STIMATE: variants seen among roughly 807,000 people sequenced by gnomAD.
STIMATE encodes store-operated calcium entry regulator STIMATE.
In STIMATE, 15 loss-of-function variants were observed where a neutral mutation model predicts 36.7. The observed-to-expected ratio is 0.41, with a 90% CI of 0.27 to 0.63. The LOEUF (loss-of-function observed/expected upper bound fraction) is 0.63, where lower values mean the gene tolerates loss of function less well. Ranked by LOEUF, STIMATE falls within the 20% of genes least tolerant of loss-of-function variation. The pLI is 0.32. For missense variants in STIMATE, 305 were observed against 397.3 expected, an observed-to-expected ratio of 0.77 and a Z score of 1.98; for synonymous variants, 163 against 162.3, an observed-to-expected ratio of 1.00 and a Z score of -0.03.
intron 1 of STIMATE, chr3:52,895,893 C>T (rs1204690626): frequency 7.8e-7 from 1 of 1,289,754 alleles, no homozygotes; most frequent in Non-Finnish European, 1.0e-6. Flanking sequence ...CTTGAAAACA[C>T]ACACGTACAG....
chr3:52,851,270 C>T (rs1234693548), intron 3 of STIMATE, among the ~76,000 whole-genome samples: 2 of 152,260 alleles, frequency 1.3e-5, no homozygotes, highest in African/African-American at 4.8e-5. Context: ...CCATGGTAGA[C>T]AGAGTGGGAG....
At position 52,865,091 on chromosome 3, in the gene STIMATE, C is replaced by G. The variant is rs186491911; in HGVS notation, c.161-9647G>C. ...CCTCCTGAGTAGCTGGGACTACAGGCGCCTGCCACCATGCCCAGCTAATTT... is the reference window on the plus strand; with the variant it reads ...CCTCCTGAGTAGCTGGGACTACAGGGGCCTGCCACCATGCCCAGCTAATTT... On this transcript the variant is annotated intron_variant, in intron 1 of 7. Coordinates refer to ENST00000355083, the MANE Select transcript of STIMATE (RefSeq NM_198563.5). 1.2e-3 allele frequency among the ~76,000 whole-genome samples: 185 copies of G among 152,164 alleles called. 1 individual carries two copies. Among genetic ancestry groups the G allele is most frequent in the Admixed American group, 2.2e-3 (34 of 15,276 alleles).
At chr3:52,847,215 G>GT in intron 4 of STIMATE, 3 of 1,130,244 alleles carry the variant, frequency 2.7e-6, no homozygotes, top group South Asian at 4.0e-5. Flanking sequence ...CCTGGACCTT[G>GT]TGTGTCTTGC....
chr3:52,844,042 G>A (rs1167330952), intron 5 of STIMATE, among the ~76,000 whole-genome samples: 1 of 152,228 alleles, frequency 6.6e-6, no homozygotes, highest in Non-Finnish European at 1.5e-5. Context: ...GCAAAGTGCA[G>A]TGGGCTTACA....
At chr3:52,876,054 TGAG>T (rs1187939815) in intron 1 of STIMATE, among the ~76,000 whole-genome samples, 1 of 152,226 alleles carries the variant, frequency 6.6e-6, no homozygotes, top group Non-Finnish European at 1.5e-5. Flanking sequence ...TGAGTTCCCA[TGAG>T]GAGATCTGAG....
intron 1 of STIMATE, among the ~76,000 whole-genome samples, chr3:52,870,119 A>T (rs1701377758): frequency 2.0e-5 from 3 of 152,150 alleles, no homozygotes; most frequent in Admixed American, 2.0e-4. Flanking sequence ...CTGGGATTAC[A>T]TCATGCCCGG....
chr3:52,896,285 A>G (rs1353553870), intron 1 of STIMATE, among the ~76,000 whole-genome samples: 3 of 152,214 alleles, frequency 2.0e-5, no homozygotes, highest in African/African-American at 7.2e-5. Flanking sequence ...TGTCCACACA[A>G]GCACAGTGGG....
At chr3:52,893,148 T>A (rs1701808364) in intron 1 of STIMATE, among the ~76,000 whole-genome samples, 1 of 152,128 alleles carries the variant, frequency 6.6e-6, no homozygotes, top group Non-Finnish European at 1.5e-5. Flanking sequence ...CTTGATTGGA[T>A]CTTAGCTTTT....
At chr3:52,889,037 A>C (rs1026985777) in intron 1 of STIMATE, among the ~76,000 whole-genome samples, 1 of 152,098 alleles carries the variant, frequency 6.6e-6, no homozygotes. Flanking sequence ...AAATGGCTTG[A>C]GTGGAACCTG....
chr3:52,840,226 A>C lies in STIMATE; in HGVS notation c.*268T>G. ...ACACTGTCTGGGACGACAACAAACA[A>C]ACACAGCTCCTTCCTTGCATATTTG... On this transcript the variant is annotated 3_prime_UTR_variant, in exon 8 of 8. Coordinates refer to ENST00000355083, the MANE Select transcript of STIMATE (RefSeq NM_198563.5). The C allele has an allele frequency of 3.5e-6, 1 of 283,778 alleles. No homozygotes were observed. Among genetic ancestry groups the C allele is most frequent in the South Asian group, 7.5e-5 (1 of 13,358 alleles). The allele number at this position is 283,778 out of a possible 1,614,324, so 17.6% of individuals were successfully genotyped here. A position where few individuals can be genotyped will look rare whatever the true frequency, so the allele number is the denominator to read the frequency against.
chr3:52,856,003 T>C (rs1028298599), intron 1 of STIMATE, among the ~76,000 whole-genome samples: 19 of 152,178 alleles, frequency 1.2e-4, no homozygotes, highest in African/African-American at 4.3e-4. Flanking sequence ...ACCGAAGTGT[T>C]TGTGTATCTT....
At chr3:52,883,817 T>C (rs1701648886) in intron 1 of STIMATE, among the ~76,000 whole-genome samples, 1 of 152,222 alleles carries the variant, frequency 6.6e-6, no homozygotes, top group Non-Finnish European at 1.5e-5. Flanking sequence ...TATTTTTCTT[T>C]AAAACTTTAG....
chr3:52,842,722 G>T, intron 7 of STIMATE, 89 bp downstream of exon 7: 2 of 1,582,842 alleles, frequency 1.3e-6, no homozygotes, highest in Admixed American at 1.7e-5. Context: ...CTGCACTCAA[G>T]GGAAGAACAT....
At chr3:52,890,637 A>G (rs1457778078) in intron 1 of STIMATE, among the ~76,000 whole-genome samples, 1 of 152,260 alleles carries the variant, frequency 6.6e-6, no homozygotes, top group Non-Finnish European at 1.5e-5. Context: ...TAGCTTTCCT[A>G]GCAGTGGAGT....
intron 4 of STIMATE, among the ~76,000 whole-genome samples, chr3:52,846,763 G>GCAGCCAC (rs1339686361): frequency 6.6e-6 from 1 of 152,210 alleles, no homozygotes; most frequent in Non-Finnish European, 1.5e-5. Flanking sequence ...CAGATCTCAC[G>GCAGCCAC]CAGCCACCGT....
At chr3:52,852,849 T>G (rs1701032275) in intron 2 of STIMATE, 151 bp from the exon 3 acceptor site, 1 of 886,486 alleles carries the variant, frequency 1.1e-6, no homozygotes. Flanking sequence ...TAACTCAGGC[T>G]TGGCATCTCA....
chr3:52,867,118 CT>C (rs1701325717), intron 1 of STIMATE, among the ~76,000 whole-genome samples: 1 of 152,200 alleles, frequency 6.6e-6, no homozygotes, highest in Non-Finnish European at 1.5e-5. Flanking sequence ...AAATCACCCC[CT>C]GCTGAGGATA....
chr3:52,853,405 G>C (rs1242570739), intron 2 of STIMATE, among the ~76,000 whole-genome samples: 6 of 152,340 alleles, frequency 3.9e-5, no homozygotes, highest in Non-Finnish European at 8.8e-5. Flanking sequence ...GGAGCATGGT[G>C]GAGACAGCGT....
intron 7 of STIMATE, 86 bp from the exon 8 acceptor site, chr3:52,840,696 T>G: frequency 8.6e-7 from 1 of 1,157,170 alleles, no homozygotes; most frequent in Non-Finnish European, 1.2e-6. Flanking sequence ...CCTTCAAGTC[T>G]CATGTTTTTT....
Sources: allele counts gnomAD v4.1 joint callset (sites outside exome capture counted in the v4.1 genomes callset), GRCh38; gene constraint gnomAD v4.1.1; transcripts MANE v1.5; gene names NCBI Gene and HGNC (gene_info 2026-07-23, HGNC 2026-07-21).